TUB: variants seen among roughly 807,000 people sequenced by gnomAD.
TUB encodes TUB bipartite transcription factor, also known as tubby protein homolog.
In TUB, 33 loss-of-function variants were observed where a neutral mutation model predicts 59.7. The ratio of observed to expected loss-of-function variants is 0.55; its 90% CI spans 0.42 to 0.74. TUB has a LOEUF of 0.74. TUB is among the 30% of genes least tolerant of loss of function. The pLI is 0.00. For synonymous variants in TUB, 293 were observed against 256.4 expected (o/e 1.14, Z -1.36); for missense variants, 659 against 672.0 (o/e 0.98, Z 0.21).
chr11:8,078,718 T>C (rs1943490515), upstream of TUB, among the ~76,000 whole-genome samples: 1 of 151,994 alleles, frequency 6.6e-6, no homozygotes, highest in Admixed American at 6.5e-5. Flanking sequence ...CTCACACACA[T>C]ACACACATTG....
At chr11:8,019,246 G>T (rs938520408) in exon 1 of TUB, 15 of 1,235,884 alleles carry the variant, frequency 1.2e-5, no homozygotes, top group Non-Finnish European at 1.5e-5. Flanking sequence ...CTGCGAGCCA[G>T]CCCCAAGCCC....
At chr11:8,072,799 T>C (rs1433916393) in intron 2 of TUB, among the ~76,000 whole-genome samples, 1 of 152,248 alleles carries the variant, frequency 6.6e-6, no homozygotes, top group African/African-American at 2.4e-5. Flanking sequence ...TCAGCTCCCC[T>C]CAGTCTTGTG....
At chr11:8,069,626 G>A (rs1881238) in intron 2 of TUB, among the ~76,000 whole-genome samples, 23,501 of 151,976 alleles carry the variant, frequency 0.15, 2,036 homozygotes, top group South Asian at 0.26. Flanking sequence ...TGGGATTGGC[G>A]CTCCTCTCAT....
chr11:8,095,166 G>C (rs1943930514), intron 4 of TUB, among the ~76,000 whole-genome samples: 1 of 152,176 alleles, frequency 6.6e-6, no homozygotes, highest in Non-Finnish European at 1.5e-5. Context: ...CTTGCCTATG[G>C]TCTGGATCAG....
In TUB at chr11:8,104,374, C is replaced by CAAGTCTAGCTTTCCTTTCCT; in HGVS notation, c.*2756_*2775dup. The CAAGTCTAGCTTTCCTTTCCT allele has an allele frequency of 6.6e-6, 1 of 152,406 alleles. No individual in the cohort carries two copies. The highest frequency in any genetic ancestry group is 2.4e-5 in the African/African-American group (1 of 41,560). The allele number at this position is 152,406 out of a possible 1,614,324, so 9.4% of individuals were successfully genotyped here. Reference sequence around the variant, plus strand: ...GAAGTTCACTTCCCCAACTCTTCTCCAAGTCTAGCTTTCCTTTCCTTCTGG... The same window carrying CAAGTCTAGCTTTCCTTTCCT: ...GAAGTTCACTTCCCCAACTCTTCTCCAAGTCTAGCTTTCCTTTCCTAAGTCTAGCTTTCCTTTCCTTCTGG... On this transcript the variant is annotated 3_prime_UTR_variant, in exon 12 of 12. Coordinates refer to ENST00000299506, the MANE Select transcript of TUB (RefSeq NM_177972.3).
At position 8,101,629 on chromosome 11, in the gene TUB, C is replaced by T. The variant is rs745398296; in HGVS notation, c.*10C>T. On this transcript the variant is annotated 3_prime_UTR_variant, in exon 12 of 12. Coordinates refer to ENST00000299506, the MANE Select transcript of TUB (RefSeq NM_177972.3). ...GCTGGCGTGCGAGTAGAGGCCTCTT[C>T]GTGCCCTTTGGGGTTGCCCAGCCTG... 1.5e-5 allele frequency: 25 copies of T among 1,614,036 alleles called. No homozygotes were observed. Among genetic ancestry groups the T allele is most frequent in the Admixed American group, 3.3e-5 (2 of 60,008 alleles).
chr11:8,090,368 G>T, intron 3 of TUB, 137 bp downstream of exon 3: 1 of 1,248,902 alleles, frequency 8.0e-7, no homozygotes. Flanking sequence ...GCAGACAGCT[G>T]AGTAGGGAGG....
intron 2 of TUB, among the ~76,000 whole-genome samples, chr11:8,041,187 TG>T (rs1358732347): frequency 1.3e-5 from 2 of 152,252 alleles, no homozygotes; most frequent in African/African-American, 4.8e-5. Context: ...ACTGGGTTTC[TG>T]GGCTGGCTCA....
chr11:8,090,169 C>T lies in TUB; in HGVS notation c.191C>T (p.Ser64Leu). The T allele has an allele frequency of 6.2e-7, 1 of 1,613,686 alleles. No homozygotes were observed. The highest frequency in any genetic ancestry group is 8.5e-7 in the Non-Finnish European group (1 of 1,179,954). ...GRPRSRRARQ[S>L]EEQAPLVESY... ...CCCCGGAGCCGGCGGGCCCGGCAGT[C>T]AGAGGAACAAGCCCCCCTGGTGGAG... The change falls in exon 3 of 12, where the codon TCA becomes TTA. Residue 64 changes from serine (S) to leucine (L), a missense_variant. Physicochemically the swap from Ser to Leu is moderately radical, Grantham distance 145 (BLOSUM62 -2). Around this residue, in one of 3 missense-constraint regions of TUB, gnomAD observed 321 missense variants for 304.3 expected, o/e 1.05. Coordinates refer to ENST00000299506, the MANE Select transcript of TUB (RefSeq NM_177972.3).
In TUB at chr11:8,096,694, G is replaced by A. The variant is rs1944008677; in HGVS notation, c.575G>A (p.Ser192Asn). Residue 192 changes from serine (S) to asparagine (N), a missense_variant, in exon 6 of 12, where the codon AGC becomes AAC. Coordinates refer to ENST00000299506, the MANE Select transcript of TUB (RefSeq NM_177972.3). Reference sequence around the variant, plus strand: ...TCTCTCCTTGGCCCAGGCATCTCCAGCAGCATGAGCTTTGACGAGGATGAG... The same window carrying A: ...TCTCTCCTTGGCCCAGGCATCTCCAACAGCATGAGCTTTGACGAGGATGAG... ...RATMQRKGIS[S>N]SMSFDEDEED... 1 of 1,607,484 alleles carries A rather than the reference G, an allele frequency of 6.2e-7. No homozygotes were observed. Among genetic ancestry groups the A allele is most frequent in the South Asian group, 1.1e-5 (1 of 90,950 alleles).
At chr11:8,089,806 T>C in intron 2 of TUB, 145 bp downstream of exon 2, 1 of 1,209,096 alleles carries the variant, frequency 8.3e-7, no homozygotes, top group Non-Finnish European at 1.2e-6. Flanking sequence ...GTGCACTCTC[T>C]CCCAGCTCAG....
rs907843275 is a variant in TUB at position 8,104,835 on chromosome 11, A to C, written c.*3216A>C. On this transcript the variant is annotated 3_prime_UTR_variant, in exon 12 of 12. Transcript: ENST00000299506. ...ATCTATGGCGAACACAGGTGTTGGAAGCCAGGACTGTGATAATCAGAAGCT... is the reference window on the plus strand; with the variant it reads ...ATCTATGGCGAACACAGGTGTTGGACGCCAGGACTGTGATAATCAGAAGCT... The C allele has an allele frequency of 2.6e-5, 4 of 152,158 alleles. No homozygotes were observed. The highest frequency in any genetic ancestry group is 6.5e-5 in the Admixed American group (1 of 15,278). The allele number at this position is 152,158 out of a possible 1,614,324, so 9.4% of individuals were successfully genotyped here.
upstream of TUB, among the ~76,000 whole-genome samples, chr11:8,033,885 C>G (rs973371697): frequency 6.6e-6 from 1 of 152,260 alleles, no homozygotes; most frequent in Admixed American, 6.5e-5. Context: ...AGCCTTTCCC[C>G]CTCTGGCCTG....
chr11:8,101,041 A>C, intron 11 of TUB, 44 bp downstream of exon 11: 3 of 1,609,484 alleles, frequency 1.9e-6, no homozygotes, highest in Admixed American at 3.3e-5. Flanking sequence ...TAGGATACCC[A>C]AGGCCCTTAG....
At chr11:8,097,526 C>A in intron 7 of TUB, 101 bp downstream of exon 7, 1 of 1,508,706 alleles carries the variant, frequency 6.6e-7, no homozygotes, top group Non-Finnish European at 9.1e-7. Context: ...ACTGACCTCT[C>A]AGTTCCTCAA....
rs1325983057 is a variant in TUB at position 8,103,014 on chromosome 11, G to GC, written c.*1396dup. 5 of 152,260 alleles carry GC rather than the reference G, an allele frequency of 3.3e-5. No homozygotes were observed. Among genetic ancestry groups the GC allele is most frequent in the African/African-American group, 1.2e-4 (5 of 41,452 alleles). 9.4% of individuals were successfully genotyped at this position (152,260 alleles called of 1,614,324 possible). The stretch of plus-strand genomic sequence containing the variant: ...TGAAACCATTCCAGTAGGAAATCAG[G>GC]CAGTTCCCTGTTGAAAGTTGTCTGG... On this transcript the variant is annotated 3_prime_UTR_variant, in exon 12 of 12. Coordinates refer to ENST00000299506, the MANE Select transcript of TUB (RefSeq NM_177972.3).
chr11:8,033,518 T>C lies in TUB; in HGVS notation c.56+14160T>C, dbSNP rs569272058. ...AGGCAGCTCATGGACTTCTTCAGAC[T>C]CTGTAGTTCAGGACATATTGACCCC... On this transcript the variant is annotated intron_variant, in intron 1 of 11. Coordinates refer to the TUB transcript ENST00000534099. Among the ~76,000 whole-genome samples the C allele has an allele frequency of 3.3e-5, 5 of 152,338 alleles. No individual in the cohort carries two copies. In the East Asian group the frequency reaches 5.8e-4, roughly 18 times the overall value.
intron 1 of TUB, chr11:8,039,379 A>AC (rs2133729148): frequency 9.4e-6 from 4 of 425,292 alleles, no homozygotes; most frequent in South Asian, 6.0e-5. Context: ...CTGTCTCCCC[A>AC]CCCCCCAGTG....
Position 8,039,074 on chromosome 11 carries a change from C to G in TUB, c.155+46C>G, listed in dbSNP as rs7947749. 1.8e-3 allele frequency: 2,942 copies of G among 1,596,436 alleles called. 60 individuals are homozygous for G. The African/African-American group carries it at 0.036, about 19-fold the overall frequency. On this transcript the variant is annotated intron_variant, in intron 1 of 12. Coordinates refer to the TUB transcript ENST00000305253. ...CTTTAGCCCATGGGCCCAACCATTG[C>G]GTCAGCTCCACCCACCCACCCTCAC...
Sources: gnomAD v4.1 joint callset for allele counts (sites outside exome capture counted in the v4.1 genomes callset) on GRCh38, gnomAD v4.1.1 for gene constraint, gnomAD v4.1.1 regional missense constraint, MANE v1.5 for transcripts, NCBI Gene and HGNC (gene_info 2026-07-23, HGNC 2026-07-21) for gene names.